MEMO1: variants seen among roughly 807,000 people sequenced by gnomAD.
The protein encoded by MEMO1 is protein MEMO1.
MEMO1 carries 6 observed loss-of-function variants against 45.2 expected under a neutral mutation model. The ratio of observed to expected loss-of-function variants is 0.13; its 90% CI spans 0.07 to 0.26. The LOEUF is 0.26. Among genes scored for constraint, MEMO1 ranks in the 10% least tolerant of loss-of-function variants. The pLI is 1.00. For missense variants in MEMO1, 184 were observed against 370.5 expected, an observed-to-expected ratio of 0.50 and a Z score of 4.13; for synonymous variants, 78 against 124.3, an observed-to-expected ratio of 0.63 and a Z score of 2.48.
chr2:31,919,335 T>C (rs976260512), intron 5 of MEMO1, among the ~76,000 whole-genome samples: 1 of 151,986 alleles, frequency 6.6e-6, no homozygotes, highest in East Asian at 1.9e-4. Flanking sequence ...TATTTTTTTG[T>C]ACAGATGGGG....
At chr2:31,970,354 T>C (rs1446507296) in intron 2 of MEMO1, among the ~76,000 whole-genome samples, 1 of 152,186 alleles carries the variant, frequency 6.6e-6, no homozygotes, top group Non-Finnish European at 1.5e-5. Flanking sequence ...TTTGCTACAG[T>C]AATCTTATTA....
intron 2 of MEMO1, among the ~76,000 whole-genome samples, chr2:32,008,476 C>G (rs1218950024): frequency 6.6e-6 from 1 of 152,126 alleles, no homozygotes; most frequent in African/African-American, 2.4e-5. Flanking sequence ...CTCAGCTACT[C>G]AGGAGGCTGA....
intron 8 of MEMO1, among the ~76,000 whole-genome samples, chr2:31,880,455 T>C (rs1449360483): frequency 1.3e-5 from 2 of 152,230 alleles, no homozygotes; most frequent in Non-Finnish European, 1.5e-5. Context: ...TCATTACATT[T>C]GGCTTTAATA....
chr2:31,978,124 C>T lies in MEMO1; in HGVS notation c.61+32063G>A, dbSNP rs535122109. Reference sequence around the variant, plus strand: ...AAATGCAGCCAGGCACGGTGGCTCACACCTGTAATCCCAGCACTGTGGTAA... The same window carrying T: ...AAATGCAGCCAGGCACGGTGGCTCATACCTGTAATCCCAGCACTGTGGTAA... On this transcript the variant is annotated intron_variant, in intron 2 of 9. Coordinates refer to ENST00000404530, the MANE Select transcript of MEMO1 (RefSeq NM_001301833.4). Among the ~76,000 whole-genome samples, 4 of 152,250 alleles carry T rather than the reference C, an allele frequency of 2.6e-5. No homozygotes were observed. In the South Asian group the frequency reaches 8.3e-4, roughly 32 times the overall value.
intron 2 of MEMO1, among the ~76,000 whole-genome samples, chr2:31,954,981 A>G (rs911245565): frequency 2.2e-4 from 33 of 152,186 alleles, no homozygotes; most frequent in African/African-American, 7.2e-4. Context: ...TGGCTCATGC[A>G]TGTAATCCCA....
intron 6 of MEMO1, among the ~76,000 whole-genome samples, chr2:31,905,641 T>C (rs1230843746): frequency 1.3e-5 from 2 of 152,230 alleles, no homozygotes; most frequent in Non-Finnish European, 2.9e-5. Flanking sequence ...AACATTTCCA[T>C]ACCCTACATT....
intron 8 of MEMO1, among the ~76,000 whole-genome samples, chr2:31,873,864 GA>G (rs908200190): frequency 6.6e-6 from 1 of 151,950 alleles, no homozygotes; most frequent in Admixed American, 6.6e-5. Flanking sequence ...AAGTTTTATG[GA>G]AAAAACTCAC....
intron 2 of MEMO1, among the ~76,000 whole-genome samples, chr2:31,964,324 A>G (rs1668362215): frequency 6.6e-6 from 1 of 152,008 alleles, no homozygotes. Context: ...TGTAGATTAA[A>G]GACTTAACAG....
intron 2 of MEMO1, among the ~76,000 whole-genome samples, chr2:31,958,065 G>A (rs1667600560): frequency 6.6e-6 from 1 of 152,086 alleles, no homozygotes; most frequent in Admixed American, 6.6e-5. Context: ...ATGGGAAATG[G>A]GCATGCCAGG....
At chr2:31,905,474 TAAGA>T (rs910316156) in intron 6 of MEMO1, among the ~76,000 whole-genome samples, 2 of 152,238 alleles carry the variant, frequency 1.3e-5, no homozygotes, top group Admixed American at 6.5e-5. Flanking sequence ...AAAGTTTTTC[TAAGA>T]AAGGGCATAC....
At chr2:31,947,144 A>G (rs2148339812) in intron 2 of MEMO1, among the ~76,000 whole-genome samples, 1 of 152,348 alleles carries the variant, frequency 6.6e-6, no homozygotes, top group East Asian at 1.9e-4. Flanking sequence ...AAACGTTCAC[A>G]ACACAGGAAG....
intron 6 of MEMO1, among the ~76,000 whole-genome samples, chr2:31,897,230 T>C (rs1049500964): frequency 2.0e-5 from 3 of 151,938 alleles, no homozygotes; most frequent in African/African-American, 7.3e-5. Context: ...TCTTGCCTTA[T>C]TGCACTGGAC....
chr2:31,920,535 AT>A (rs1350948671), intron 5 of MEMO1, among the ~76,000 whole-genome samples: 2 of 152,122 alleles, frequency 1.3e-5, no homozygotes, highest in Non-Finnish European at 2.9e-5. Context: ...AGTACATGGC[AT>A]TTTTCTGAAT....
chr2:31,929,309 C>G (rs529167775), intron 4 of MEMO1, among the ~76,000 whole-genome samples: 1 of 151,320 alleles, frequency 6.6e-6, no homozygotes, highest in South Asian at 2.1e-4. Flanking sequence ...TGATATTATC[C>G]TTTGTCTTTT....
chr2:31,905,273 C>G (rs1447474055), intron 6 of MEMO1, among the ~76,000 whole-genome samples: 1 of 151,758 alleles, frequency 6.6e-6, no homozygotes, highest in Non-Finnish European at 1.5e-5. Flanking sequence ...ACATCAGAGG[C>G]AAAGAACTGG....
At chr2:31,975,535 A>C (rs1669911648) in intron 2 of MEMO1, among the ~76,000 whole-genome samples, 1 of 152,176 alleles carries the variant, frequency 6.6e-6, no homozygotes. Flanking sequence ...CTTAGCTTCC[A>C]CATCCATTAG....
intron 2 of MEMO1, among the ~76,000 whole-genome samples, chr2:31,984,584 C>T (rs770519207): frequency 5.9e-5 from 9 of 152,036 alleles, no homozygotes; most frequent in African/African-American, 1.9e-4. Context: ...CCAAGGCGGG[C>T]GATAACGAGG....
chr2:31,957,213 C>T lies in MEMO1; in HGVS notation c.62-13830G>A, dbSNP rs1456252285. Reference sequence around the variant, plus strand: ...AAAGGGAACAAAGAGAGACACTTTGCTTTTCACTGTATACTCTTTCAGATC... The same window carrying T: ...AAAGGGAACAAAGAGAGACACTTTGTTTTTCACTGTATACTCTTTCAGATC... On this transcript the variant is annotated intron_variant, in intron 2 of 9. Transcript: ENST00000404530. Among the ~76,000 whole-genome samples the T allele has an allele frequency of 2.0e-5, 3 of 151,464 alleles. No individual in the cohort carries two copies. The East Asian group carries it at 5.8e-4, about 29-fold the overall frequency.
chr2:31,897,554 C>G (rs1164614967), intron 6 of MEMO1, among the ~76,000 whole-genome samples: 1 of 152,130 alleles, frequency 6.6e-6, no homozygotes, highest in African/African-American at 2.4e-5. Flanking sequence ...GCCTTGCATT[C>G]CAGGGATGAA....
Sources: allele counts gnomAD v4.1 joint callset (sites outside exome capture counted in the v4.1 genomes callset), GRCh38; gene constraint gnomAD v4.1.1; transcripts MANE v1.5; gene names NCBI Gene and HGNC (gene_info 2026-07-23, HGNC 2026-07-21).